Variants in SLC24A2 observed in about 807,000 individuals in gnomAD.
The protein encoded by SLC24A2 is solute carrier family 24 member 2.
A neutral mutation model predicts 62.0 loss-of-function variants in SLC24A2; 36 were observed. The ratio of observed to expected loss-of-function variants is 0.58; its 90% CI spans 0.44 to 0.77. The LOEUF (loss-of-function observed/expected upper bound fraction) is 0.77. Ranked by LOEUF, SLC24A2 falls within the 30% of genes least tolerant of loss-of-function variation. The pLI is 0.00. For synonymous variants in SLC24A2, 358 were observed against 294.0 expected (o/e 1.22, Z -2.23); for missense variants, 846 against 817.9 (o/e 1.03, Z -0.42).
chr9:19,706,075 T>C (rs1227636871), intron 2 of SLC24A2, among the ~76,000 whole-genome samples: 2 of 152,274 alleles, frequency 1.3e-5, no homozygotes, highest in South Asian at 2.1e-4. Context: ...TCCAAGTCTC[T>C]TTGTAGGTCA....
the SLC24A2 span, among the ~76,000 whole-genome samples, chr9:19,814,287 G>T: frequency 6.6e-6 from 1 of 152,108 alleles, no homozygotes; most frequent in Non-Finnish European, 1.5e-5. Flanking sequence ...CCTGGATGTT[G>T]GGGTAAGCAA....
At chr9:19,948,247 G>C in the SLC24A2 span, among the ~76,000 whole-genome samples, 13 of 152,198 alleles carry the variant, frequency 8.5e-5, no homozygotes, top group Admixed American at 7.9e-4. Context: ...TATTGTGTGA[G>C]TTGCCTAATC....
chr9:19,795,418 T>A, the SLC24A2 span, among the ~76,000 whole-genome samples: 4 of 152,140 alleles, frequency 2.6e-5, no homozygotes, highest in African/African-American at 9.7e-5. Context: ...CTCAATTTGT[T>A]TGAAGCCAAG....
At chr9:19,638,355 T>C (rs1564011065) in intron 2 of SLC24A2, among the ~76,000 whole-genome samples, 1 of 152,252 alleles carries the variant, frequency 6.6e-6, no homozygotes, top group South Asian at 2.1e-4. Context: ...AATCAAATTT[T>C]AGTAAGTTGA....
chr9:20,097,405 A>G, the SLC24A2 span, among the ~76,000 whole-genome samples: 1 of 152,346 alleles, frequency 6.6e-6, no homozygotes, highest in African/African-American at 2.4e-5. Context: ...TTTAGTCTTC[A>G]GTATTGATAT....
chr9:19,756,089 C>T (rs1241918457), intron 2 of SLC24A2, among the ~76,000 whole-genome samples: 1 of 152,164 alleles, frequency 6.6e-6, no homozygotes, highest in Non-Finnish European at 1.5e-5. Context: ...TACCTGCTAC[C>T]TGCTAACTGC....
the SLC24A2 span, among the ~76,000 whole-genome samples, chr9:19,883,715 G>A: frequency 2.0e-5 from 3 of 152,060 alleles, no homozygotes; most frequent in Non-Finnish European, 4.4e-5. Flanking sequence ...ACAGGTGCCC[G>A]CCACCATGCC....
chr9:19,542,743 G>A (rs182388327), intron 8 of SLC24A2, among the ~76,000 whole-genome samples: 62 of 152,272 alleles, frequency 4.1e-4, no homozygotes, highest in African/African-American at 1.5e-3. Flanking sequence ...TACATTTATT[G>A]ATTTGCATAT....
the SLC24A2 span, among the ~76,000 whole-genome samples, chr9:20,212,872 T>C: frequency 6.6e-6 from 1 of 151,772 alleles, no homozygotes; most frequent in African/African-American, 2.4e-5. Flanking sequence ...ATCAATCTCA[T>C]TGACCACACC....
intron 7 of SLC24A2, 74 bp from the exon 8 acceptor site, chr9:19,550,342 G>A: frequency 6.9e-7 from 1 of 1,447,356 alleles, no homozygotes; most frequent in Non-Finnish European, 9.7e-7. Context: ...CAGGAGCACA[G>A]AACAAAGGGG....
At chr9:19,706,458 C>T (rs112463446) in intron 2 of SLC24A2, among the ~76,000 whole-genome samples, 21,089 of 150,270 alleles carry the variant, frequency 0.14, 2,355 homozygotes, top group African/African-American at 0.31. Context: ...CGACTCACTG[C>T]AAGCTCCGCC....
chr9:19,821,875 A>C, the SLC24A2 span, among the ~76,000 whole-genome samples: 2 of 152,148 alleles, frequency 1.3e-5, no homozygotes, highest in Non-Finnish European at 2.9e-5. Flanking sequence ...TAACATGTAT[A>C]CCTACATATT....
At chr9:19,821,035 T>C in the SLC24A2 span, among the ~76,000 whole-genome samples, 1 of 152,240 alleles carries the variant, frequency 6.6e-6, no homozygotes, top group East Asian at 1.9e-4. Context: ...GGCTTTGGCT[T>C]GCTTTTGAAA....
chr9:20,098,957 A>C, the SLC24A2 span, among the ~76,000 whole-genome samples: 4 of 152,214 alleles, frequency 2.6e-5, no homozygotes, highest in Non-Finnish European at 5.9e-5. Flanking sequence ...TAGGATATAC[A>C]CAACTTACTG....
intron 2 of SLC24A2, among the ~76,000 whole-genome samples, chr9:19,627,538 T>C (rs943725262): frequency 2.2e-4 from 33 of 152,218 alleles, no homozygotes; most frequent in African/African-American, 7.2e-4. Flanking sequence ...CATATACCAT[T>C]ATCAGATAGA....
the SLC24A2 span, among the ~76,000 whole-genome samples, chr9:20,225,578 T>TATATATATATATAATATA: frequency 2.1e-4 from 27 of 126,628 alleles, no homozygotes; most frequent in African/African-American, 8.8e-4. Context: ...ATATATAATT[T>TATATATATATATAATATA]CATTTAAAGA....
In SLC24A2 at chr9:19,603,877, C is replaced by T. The variant is rs148788654; in HGVS notation, c.1079-6598G>A. ...ATCTTTCAGAACCCCGTTGAGGTTC[C>T]CTCCTCCATGCAGCATTCCTGAATG... is the stretch of plus-strand genomic sequence containing the variant. On this transcript the variant is annotated intron_variant, in intron 4 of 10. Coordinates refer to ENST00000341998, the MANE Select transcript of SLC24A2 (RefSeq NM_020344.4). 3.6e-3 allele frequency among the ~76,000 whole-genome samples: 542 copies of T among 152,324 alleles called. 4 individuals carry two copies. The highest frequency in any genetic ancestry group is 0.014 in the Middle Eastern group (4 of 294).
chr9:20,047,989 G>C, the SLC24A2 span, among the ~76,000 whole-genome samples: 1 of 152,136 alleles, frequency 6.6e-6, no homozygotes, highest in Non-Finnish European at 1.5e-5. Flanking sequence ...GAAGCCAATA[G>C]AAGCATGGTC....
chr9:20,000,554 A>T, the SLC24A2 span, among the ~76,000 whole-genome samples: 1 of 152,246 alleles, frequency 6.6e-6, no homozygotes, highest in African/African-American at 2.4e-5. Context: ...CCCTGAGAAT[A>T]GACCACCTGG....
Sources: allele counts gnomAD v4.1 joint callset (sites outside exome capture counted in the v4.1 genomes callset), GRCh38; gene constraint gnomAD v4.1.1; transcripts MANE v1.5; gene names NCBI Gene and HGNC (gene_info 2026-07-23, HGNC 2026-07-21).